LRRC61: variants seen among roughly 807,000 people sequenced by gnomAD.
LRRC61 encodes the protein leucine-rich repeat-containing protein 61.
Under a neutral mutation model 15.1 loss-of-function variants are expected in LRRC61, and 9 were observed. The observed-to-expected ratio is 0.60, with a 90% CI of 0.36 to 1.04. LRRC61 has a LOEUF of 1.04. LRRC61 is among the 50% of genes least tolerant of loss of function. The probability of loss-of-function intolerance (pLI) is 0.01; values close to 1 mark genes in which losing one functional copy is unlikely to be tolerated. For missense variants in LRRC61, 344 were observed against 335.6 expected (o/e 1.03, Z -0.20); for synonymous variants, 173 against 158.6 (o/e 1.09, Z -0.68).
chr7:150,332,975 C>T (rs939997362), intron 2 of LRRC61, among the ~76,000 whole-genome samples: 14 of 152,104 alleles, frequency 9.2e-5, no homozygotes, highest in Admixed American at 5.9e-4. Context: ...CATGTCGGGG[C>T]GGGGAGGATC....
Position 150,337,432 on chromosome 7 carries a change from C to G in LRRC61, c.571C>G (p.Pro191Ala). The G allele has an allele frequency of 1.2e-6, 2 of 1,604,888 alleles. No homozygotes were observed. The highest frequency in any genetic ancestry group is 4.5e-5 in the East Asian group (2 of 44,858). ...CTTGCGTCCCAGCTCCAGTCCAGGC[C>G]CCAGAGCCACCGAGGCCCAGCCCTG... is the stretch of plus-strand genomic sequence containing the variant. ...SSLRPSSSPG[P>A]RATEAQPWVE... The change falls in exon 3 of 3, where the codon CCC (proline) becomes GCC (alanine). Residue 191 changes from proline (P) to alanine (A), a missense_variant. By Grantham distance (27) the Pro-to-Ala change is conservative (BLOSUM62 -1). Transcript: ENST00000359623.
intron 1 of LRRC61, chr7:150,323,804 C>G: frequency 2.3e-6 from 1 of 426,256 alleles, no homozygotes; most frequent in Non-Finnish European, 4.7e-6. Flanking sequence ...GGTGCTGTTA[C>G]TATTCCCGTA....
chr7:150,312,650 C>T, the LRRC61 span, among the ~76,000 whole-genome samples: 6 of 152,194 alleles, frequency 3.9e-5, no homozygotes, highest in Non-Finnish European at 8.8e-5. Context: ...CCGAAACTTA[C>T]TAGACTAACT....
rs201290942 is a variant in LRRC61, at chr7:150,330,740, G to A, written c.-145+4730G>A. ...TGTACAAGGTGAAGGAGATTAGAGT[G>A]TCTGAATACTCTTTGAACTCCCCAA... is the stretch of plus-strand genomic sequence containing the variant. On this transcript the variant is annotated intron_variant, in intron 2 of 2. Coordinates refer to ENST00000359623, the MANE Select transcript of LRRC61 (RefSeq NM_001142928.2). The surrounding 1 kb of genome is among the most constrained non-coding windows in gnomAD (Gnocchi z 4.6). 128 of 1,606,888 alleles carry A rather than the reference G, an allele frequency of 8.0e-5. No homozygotes were observed. The highest frequency in any genetic ancestry group is 1.6e-4 in the Middle Eastern group (1 of 6,068).
chr7:150,324,529 G>C (rs1354104953), intron 1 of LRRC61: 1 of 152,310 alleles, frequency 6.6e-6, no homozygotes, highest in Non-Finnish European at 1.5e-5. Context: ...CTTTACAGAT[G>C]TACGGCTCCC....
chr7:150,316,346 T>G, the LRRC61 span, among the ~76,000 whole-genome samples: 1 of 152,224 alleles, frequency 6.6e-6, no homozygotes, highest in Non-Finnish European at 1.5e-5. Context: ...TACATAGTGT[T>G]TCGACTGTAG....
At chr7:150,313,866 G>A in the LRRC61 span, among the ~76,000 whole-genome samples, 2 of 152,210 alleles carry the variant, frequency 1.3e-5, no homozygotes, top group South Asian at 4.1e-4. Flanking sequence ...AGCCTGGAAA[G>A]CTAAAAACAA....
rs1214081778 is a variant in LRRC61 at position 150,330,263 on chromosome 7, C to T, written c.-145+4253C>T. ...TGGACCACTGGGTCTCGGCCTACCA[C>T]CTGCTGGAGTGGCTGGTGGAGCAGC... On this transcript the variant is annotated intron_variant, in intron 2 of 2. Transcript: ENST00000359623. The surrounding 1 kb of genome is among the most constrained non-coding windows in gnomAD (Gnocchi z 4.6). 1.6e-6 allele frequency: 1 copy of T among 642,460 alleles called. No individual in the cohort carries two copies. The highest frequency in any genetic ancestry group is 1.8e-5 in the African/African-American group (1 of 55,404). 39.8% of individuals were successfully genotyped at this position (642,460 alleles called of 1,614,324 possible).
At chr7:150,312,965 C>A in the LRRC61 span, among the ~76,000 whole-genome samples, 1 of 152,114 alleles carries the variant, frequency 6.6e-6, no homozygotes. Flanking sequence ...ACTGATTGAC[C>A]AACCTTATGA....
rs1798358317 is a variant in LRRC61, at chr7:150,337,756, G to A, written c.*115G>A. 9.0e-7 allele frequency: 1 copy of A among 1,116,858 alleles called. No homozygotes were observed. Among genetic ancestry groups the A allele is most frequent in the Non-Finnish European group, 1.3e-6 (1 of 796,544 alleles). The allele number at this position is 1,116,858 out of a possible 1,614,324, so 69.2% of individuals were successfully genotyped here. On this transcript the variant is annotated 3_prime_UTR_variant, in exon 3 of 3. Coordinates refer to ENST00000359623, the MANE Select transcript of LRRC61 (RefSeq NM_001142928.2). ...ACTGGTCACTGGCCCTGCACACTGG[G>A]CTATTGCTTTATCCCTATCCTGAGA...
Position 150,333,097 on chromosome 7 carries a change from A to G in LRRC61, c.-144-3621A>G, listed in dbSNP as rs1217995235. The stretch of plus-strand genomic sequence containing the variant: ...TGGCATTGTGGCTCTGCTGTGTGGC[A>G]TCACCGAGCGGGCTCATGTTCTGGG... On this transcript the variant is annotated intron_variant, in intron 2 of 2. Coordinates refer to ENST00000359623, the MANE Select transcript of LRRC61 (RefSeq NM_001142928.2). This position sits in a 1 kb window ranked among gnomAD's most constrained non-coding sequence, Gnocchi z 4.3. Among the ~76,000 whole-genome samples the G allele has an allele frequency of 6.6e-6, 1 of 152,200 alleles. No individual in the cohort carries two copies. The highest frequency in any genetic ancestry group is 1.9e-4 in the East Asian group (1 of 5,198).
chr7:150,331,094 C>G (rs528945793), intron 2 of LRRC61: 4 of 1,612,188 alleles, frequency 2.5e-6, no homozygotes, highest in East Asian at 2.2e-5. Flanking sequence ...TCTGTCTTAC[C>G]CCCCACAGGA....
upstream of LRRC61, chr7:150,323,293 C>A: frequency 3.9e-6 from 1 of 257,980 alleles, no homozygotes; most frequent in Non-Finnish European, 7.7e-6. Context: ...TAACCCCTGG[C>A]GCATCCCGGA....
intron 2 of LRRC61, among the ~76,000 whole-genome samples, chr7:150,329,624 G>A (rs888035470): frequency 1.3e-5 from 2 of 152,228 alleles, no homozygotes; most frequent in Non-Finnish European, 2.9e-5. Flanking sequence ...TCAGAAGGTA[G>A]TGGCTGTGGG....
chr7:150,317,766 C>T, the LRRC61 span, among the ~76,000 whole-genome samples: 1 of 152,178 alleles, frequency 6.6e-6, no homozygotes, highest in Non-Finnish European at 1.5e-5. Flanking sequence ...TCACTACAAT[C>T]TAGTTATTAT....
chr7:150,319,778 T>G (rs932806386), upstream of LRRC61, among the ~76,000 whole-genome samples: 1 of 152,200 alleles, frequency 6.6e-6, no homozygotes, highest in Admixed American at 6.5e-5. Context: ...TAGCAGCTAA[T>G]GTAGCTACTT....
chr7:150,315,925 C>T, the LRRC61 span, among the ~76,000 whole-genome samples: 1 of 152,072 alleles, frequency 6.6e-6, no homozygotes, highest in African/African-American at 2.4e-5. Context: ...AGGCCGGCCG[C>T]GGTGGCTCAC....
the LRRC61 span, among the ~76,000 whole-genome samples, chr7:150,316,079 C>A: frequency 6.6e-6 from 1 of 152,190 alleles, no homozygotes; most frequent in Non-Finnish European, 1.5e-5. Flanking sequence ...TGCCTGTAAT[C>A]CCAGCTATTC....
rs956129479 is a variant in LRRC61, at chr7:150,333,585, C to A, written c.-144-3133C>A. The stretch of plus-strand genomic sequence containing the variant: ...TCATTTCCCAGGCAGAAGACACTCA[C>A]CAACGCCTGGGACCATCTTCCCTGG... On this transcript the variant is annotated intron_variant, in intron 2 of 2. Coordinates refer to ENST00000359623, the MANE Select transcript of LRRC61 (RefSeq NM_001142928.2). This position sits in a 1 kb window ranked among gnomAD's most constrained non-coding sequence, Gnocchi z 4.3. Among the ~76,000 whole-genome samples, 1 of 152,244 alleles carries A rather than the reference C, an allele frequency of 6.6e-6. No individual in the cohort carries two copies. The highest frequency in any genetic ancestry group is 1.5e-5 in the Non-Finnish European group (1 of 68,042).
Sources: gnomAD v4.1 joint callset for allele counts (sites outside exome capture counted in the v4.1 genomes callset) on GRCh38, gnomAD v4.1.1 for gene constraint, Gnocchi (gnomAD v3.1) non-coding constraint, MANE v1.5 for transcripts, NCBI Gene and HGNC (gene_info 2026-07-23, HGNC 2026-07-21) for gene names.